Variants in SWAP70 observed in about 807,000 individuals in gnomAD.
SWAP70 encodes switch-associated protein 70.
In SWAP70, 34 loss-of-function variants were observed where a neutral mutation model predicts 80.2. The ratio of observed to expected loss-of-function variants is 0.42; its 90% CI spans 0.32 to 0.56. The LOEUF is 0.56. Among genes scored for constraint, SWAP70 ranks in the 20% least tolerant of loss-of-function variants. The probability of loss-of-function intolerance (pLI) is 0.09; values close to 1 mark genes in which losing one functional copy is unlikely to be tolerated. For synonymous variants in SWAP70, 239 were observed against 238.5 expected, an observed-to-expected ratio of 1.00 and a Z score of -0.02; for missense variants, 578 against 690.7, an observed-to-expected ratio of 0.84 and a Z score of 1.83.
chr11:9,683,475 C>T (rs779377470), intron 1 of SWAP70, among the ~76,000 whole-genome samples: 2 of 151,888 alleles, frequency 1.3e-5, no homozygotes, highest in Non-Finnish European at 2.9e-5. Flanking sequence ...GGACCAAAAA[C>T]GTCTAAGAGG....
intron 3 of SWAP70, chr11:9,720,146 A>G (rs972468621): frequency 1.1e-5 from 11 of 985,208 alleles, no homozygotes; most frequent in Middle Eastern, 1.0e-3. Context: ...GAGAATGGTA[A>G]TGTTTGTCTC....
At chr11:9,719,496 C>T (rs1054627082) in intron 3 of SWAP70, among the ~76,000 whole-genome samples, 43 of 151,568 alleles carry the variant, frequency 2.8e-4, no homozygotes, top group Non-Finnish European at 1.0e-4. Flanking sequence ...TGCAGTGAGC[C>T]GAGATCGTGC....
intron 2 of SWAP70, among the ~76,000 whole-genome samples, chr11:9,695,420 C>G (rs1485486973): frequency 2.0e-5 from 3 of 152,116 alleles, no homozygotes; most frequent in Non-Finnish European, 4.4e-5. Context: ...TACATATACG[C>G]CATGGAATAC....
chr11:9,701,746 A>C (rs994810047), intron 2 of SWAP70, among the ~76,000 whole-genome samples: 2 of 129,794 alleles, frequency 1.5e-5, no homozygotes, highest in African/African-American at 5.6e-5. Flanking sequence ...ATTATCTGAC[A>C]GTGAATAATT....
chr11:9,738,561 A>G (rs1012267022), intron 8 of SWAP70, among the ~76,000 whole-genome samples: 2 of 152,116 alleles, frequency 1.3e-5, no homozygotes, highest in Admixed American at 6.5e-5. Flanking sequence ...CTTGTTTTCA[A>G]GACTCCTAAG....
At chr11:9,679,229 A>G (rs1408010340) in intron 1 of SWAP70, among the ~76,000 whole-genome samples, 2 of 152,216 alleles carry the variant, frequency 1.3e-5, no homozygotes, top group African/African-American at 4.8e-5. Context: ...TAGCTTTACA[A>G]CATTTGATTT....
chr11:9,703,385 C>A (rs944218164), intron 2 of SWAP70: 2 of 456,164 alleles, frequency 4.4e-6, no homozygotes, highest in Non-Finnish European at 8.8e-6. Context: ...GGCCTTCTCT[C>A]TGTTCCCCAG....
chr11:9,697,482 C>T (rs893514538), intron 2 of SWAP70, among the ~76,000 whole-genome samples: 2 of 152,012 alleles, frequency 1.3e-5, no homozygotes, highest in East Asian at 1.9e-4. Flanking sequence ...AGGGTTTCAC[C>T]ATGTTGACCA....
Position 9,751,512 on chromosome 11 carries a change from A to G in SWAP70, c.*1542A>G, listed in dbSNP as rs1851589506. ...GGGATAATTCAGTTGTTGCAAAAAAAGGGCAGAATTCAGTAGAATAAAGTC... is the reference window on the plus strand; with the variant it reads ...GGGATAATTCAGTTGTTGCAAAAAAGGGGCAGAATTCAGTAGAATAAAGTC... On this transcript the variant is annotated 3_prime_UTR_variant, in exon 12 of 12. Coordinates refer to ENST00000318950, the MANE Select transcript of SWAP70 (RefSeq NM_015055.4). 1 of 152,252 alleles carries G rather than the reference A, an allele frequency of 6.6e-6. No individual in the cohort carries two copies. Among genetic ancestry groups the G allele is most frequent in the Admixed American group, 6.5e-5 (1 of 15,284 alleles). The allele number at this position is 152,252 out of a possible 1,614,324, so 9.4% of individuals were successfully genotyped here.
intron 9 of SWAP70, among the ~76,000 whole-genome samples, chr11:9,746,758 A>G (rs772736360): frequency 2.6e-5 from 4 of 152,242 alleles, no homozygotes; most frequent in Non-Finnish European, 5.9e-5. Flanking sequence ...TAGTATAAGA[A>G]AAAACTTCGT....
At chr11:9,671,832 ATAATATATAATATAT>A (rs1850413059) in intron 1 of SWAP70, among the ~76,000 whole-genome samples, 1 of 96,686 alleles carries the variant, frequency 1.0e-5, no homozygotes, top group South Asian at 3.3e-4. Context: ...ATATAATATA[ATAATATATAATATAT>A]AAAATAAATA....
At position 9,664,142 on chromosome 11, in the gene SWAP70, T is replaced by A. The variant is rs1349492436; in HGVS notation, c.-38T>A. On this transcript the variant is annotated 5_prime_UTR_variant, in exon 1 of 12. Coordinates refer to ENST00000318950, the MANE Select transcript of SWAP70 (RefSeq NM_015055.4). ...GCGTCCGAGGCGCGGAGGGGCTGGC[T>A]GGGCAGGAGGGGTTGGCGGGGCAGC... The A allele has an allele frequency of 6.5e-7, 1 of 1,528,626 alleles. No homozygotes were observed. Among genetic ancestry groups the A allele is most frequent in the Non-Finnish European group, 8.8e-7 (1 of 1,139,166 alleles). The allele number at this position is 1,528,626 out of a possible 1,614,324, so 94.7% of individuals were successfully genotyped here. A position where few individuals can be genotyped will look rare whatever the true frequency, so the allele number is the denominator to read the frequency against.
At chr11:9,732,916 CA>C (rs1207123548) in intron 7 of SWAP70, among the ~76,000 whole-genome samples, 2 of 150,506 alleles carry the variant, frequency 1.3e-5, no homozygotes, top group African/African-American at 4.9e-5. Context: ...ATCTCGGCAG[CA>C]AAAACATTTC....
At chr11:9,671,421 A>ATATATAAATATATAAAAATATATTT (rs1565109247) in intron 1 of SWAP70, among the ~76,000 whole-genome samples, 6 of 86,362 alleles carry the variant, frequency 6.9e-5, no homozygotes, top group African/African-American at 3.4e-4. Flanking sequence ...TATATTTATA[A>ATATATAAATATATAAAAATATATTT]ATATATATAT....
At position 9,745,361 on chromosome 11, in the gene SWAP70, C is replaced by T. The variant is rs188418728; in HGVS notation, c.1356-2497C>T. Among the ~76,000 whole-genome samples the T allele has an allele frequency of 3.3e-5, 5 of 152,086 alleles. No individual in the cohort carries two copies. In the East Asian group the frequency reaches 9.6e-4, roughly 29 times the overall value. On this transcript the variant is annotated intron_variant, in intron 9 of 11. Coordinates refer to ENST00000318950, the MANE Select transcript of SWAP70 (RefSeq NM_015055.4). The stretch of plus-strand genomic sequence containing the variant: ...TCTGTTCCTTTATCTCATTTGCAGA[C>T]GGGGAAGATATATAATGTGTGGAAT...
intron 1 of SWAP70, among the ~76,000 whole-genome samples, chr11:9,684,445 G>A (rs1850606164): frequency 6.6e-6 from 1 of 152,186 alleles, no homozygotes; most frequent in African/African-American, 2.4e-5. Context: ...TTGGAGATGA[G>A]TGTACTAAAT....
intron 2 of SWAP70, chr11:9,703,527 G>A: frequency 2.2e-6 from 1 of 455,940 alleles, no homozygotes; most frequent in South Asian, 1.5e-5. Context: ...ACTTCCTCAG[G>A]GAGGTTTCTC....
intron 9 of SWAP70, chr11:9,740,660 A>G (rs1017155471): frequency 5.2e-6 from 2 of 387,496 alleles, no homozygotes; most frequent in African/African-American, 2.1e-5. Context: ...ATTACCTCTG[A>G]TAAGAGCTTG....
chr11:9,749,835 C>A (rs749461616), intron 11 of SWAP70, 29 bp from the exon 12 acceptor site: 1 of 1,384,674 alleles, frequency 7.2e-7, no homozygotes, highest in Non-Finnish European at 1.0e-6. Flanking sequence ...TATAATACTT[C>A]CTGTATTTAA....
Sources: allele counts gnomAD v4.1 joint callset (sites outside exome capture counted in the v4.1 genomes callset), GRCh38; gene constraint gnomAD v4.1.1; transcripts MANE v1.5; gene names NCBI Gene and HGNC (gene_info 2026-07-23, HGNC 2026-07-21).